The following EHBP1 variants were observed in gnomAD, a reference collection of about 807,000 sequenced individuals.
The protein encoded by EHBP1 is EH domain binding protein 1, also known as EH domain-binding protein 1.
A neutral mutation model predicts 144.0 loss-of-function variants in EHBP1; 55 were observed. The ratio of observed to expected loss-of-function variants is 0.38; its 90% CI spans 0.31 to 0.48. The LOEUF (loss-of-function observed/expected upper bound fraction) is 0.48, where lower values mean the gene tolerates loss of function less well. Among genes scored for constraint, EHBP1 ranks in the 20% least tolerant of loss-of-function variants. EHBP1 has a pLI of 0.98. For synonymous variants in EHBP1, 469 were observed against 472.7 expected, an observed-to-expected ratio of 0.99 and a Z score of 0.10; for missense variants, 1,200 against 1,364.2, an observed-to-expected ratio of 0.88 and a Z score of 1.90.
At chr2:62,965,439 G>A (rs566123621) in intron 14 of EHBP1, among the ~76,000 whole-genome samples, 2 of 152,296 alleles carry the variant, frequency 1.3e-5, no homozygotes, top group Non-Finnish European at 1.5e-5. Context: ...ATGCCTTAAT[G>A]AGAGTGAAAT....
chr2:62,867,625 A>G (rs979368766), intron 9 of EHBP1, among the ~76,000 whole-genome samples: 1 of 152,228 alleles, frequency 6.6e-6, no homozygotes, highest in Non-Finnish European at 1.5e-5. Flanking sequence ...TCAAAGATAT[A>G]AGTTATTTTC....
chr2:62,783,310 A>T (rs548696538), intron 5 of EHBP1, among the ~76,000 whole-genome samples: 1 of 152,082 alleles, frequency 6.6e-6, no homozygotes, highest in Non-Finnish European at 1.5e-5. Flanking sequence ...CAGTGGATCT[A>T]CCATTCTGGA....
chr2:62,948,712 G>A lies in EHBP1; in HGVS notation c.1866G>A (p.Gln622=), dbSNP rs1399923487. 1.9e-6 allele frequency: 3 copies of A among 1,613,938 alleles called. No individual in the cohort carries two copies. Among genetic ancestry groups the A allele is most frequent in the Non-Finnish European group, 2.5e-6 (3 of 1,179,984 alleles). Residue 622 remains glutamine (Q), a synonymous_variant, in exon 13 of 23, where the codon CAG becomes CAA. Coordinates refer to ENST00000431489, the MANE Select transcript of EHBP1 (RefSeq NM_001142616.3). ...GTGACACAGAACCCCAGAAGTCTCA[G>A]CAGAGCTCTGGAAGGACTTCAGGAT... ...TKSDTEPQKS[Q]QSSGRTSGSD... is the part of the protein sequence containing the mutation.
At chr2:62,673,939 A>G in exon 1 of EHBP1, 1 of 440,692 alleles carries the variant, frequency 2.3e-6, no homozygotes. Context: ...TTGGAGGTCC[A>G]AGTCATGGCA....
intron 20 of EHBP1, 87 bp downstream of exon 20, chr2:63,037,721 T>A: frequency 1.3e-6 from 1 of 750,230 alleles, no homozygotes; most frequent in Non-Finnish European, 2.2e-6. Flanking sequence ...ATTTAATATT[T>A]ATTCGGTATT....
intron 14 of EHBP1, among the ~76,000 whole-genome samples, chr2:62,962,060 C>T (rs774467345): frequency 1.3e-5 from 2 of 152,176 alleles, no homozygotes; most frequent in African/African-American, 2.4e-5. Flanking sequence ...TGTGGTGGCC[C>T]ACGCCTGTAA....
At chr2:62,875,855 G>A (rs1237970605) in intron 10 of EHBP1, among the ~76,000 whole-genome samples, 25 of 152,162 alleles carry the variant, frequency 1.6e-4, no homozygotes, top group Non-Finnish European at 1.5e-5. Context: ...AGTATTAACA[G>A]CAGAATAGAC....
intron 12 of EHBP1, among the ~76,000 whole-genome samples, chr2:62,947,631 T>C (rs941495659): frequency 2.0e-5 from 3 of 152,190 alleles, no homozygotes; most frequent in Non-Finnish European, 4.4e-5. Context: ...AAACCTGATG[T>C]GCCACAGTCA....
chr2:62,963,643 T>C (rs912684872), intron 14 of EHBP1, among the ~76,000 whole-genome samples: 10 of 152,212 alleles, frequency 6.6e-5, no homozygotes, highest in Admixed American at 5.2e-4. Context: ...AATTCTACTG[T>C]TAGGAAGAAG....
rs188778683 is a variant in EHBP1, at chr2:63,010,879, C to A, written c.3103+14113C>A. Among the ~76,000 whole-genome samples the A allele has an allele frequency of 4.0e-5, 6 of 151,828 alleles. No individual in the cohort carries two copies. The East Asian group carries it at 1.2e-3, about 29-fold the overall frequency. On this transcript the variant is annotated intron_variant, in intron 19 of 22. Transcript: ENST00000431489. ...TATTTCTTCAAACTACTTAAGTACA[C>A]AACCCCAATTTAGCTTTCTAAGGTA...
intron 7 of EHBP1, among the ~76,000 whole-genome samples, chr2:62,852,872 G>A (rs1264694560): frequency 2.0e-5 from 3 of 152,040 alleles, no homozygotes; most frequent in Non-Finnish European, 4.4e-5. Context: ...GTCAGAGTAC[G>A]ATTTAAAACT....
chr2:62,986,772 G>T (rs1160578465), intron 15 of EHBP1, among the ~76,000 whole-genome samples: 1 of 151,892 alleles, frequency 6.6e-6, no homozygotes, highest in Non-Finnish European at 1.5e-5. Context: ...CTTCCAAATG[G>T]TTTACATAGT....
chr2:62,942,143 C>A (rs1163061332), intron 10 of EHBP1, among the ~76,000 whole-genome samples: 2 of 152,138 alleles, frequency 1.3e-5, no homozygotes, highest in African/African-American at 4.8e-5. Flanking sequence ...CAACACCTGA[C>A]TGTTGCTAAT....
rs1573014201 is a variant in EHBP1, at chr2:62,731,871, T to G, written c.105-15524T>G. Among the ~76,000 whole-genome samples, 3 of 152,310 alleles carry G rather than the reference T, an allele frequency of 2.0e-5. No homozygotes were observed. The East Asian group carries it at 5.8e-4, about 29-fold the overall frequency. On this transcript the variant is annotated intron_variant, in intron 2 of 22. Transcript: ENST00000431489. The stretch of plus-strand genomic sequence containing the variant: ...TATAATTTTCCTTCTTTTGAATAAT[T>G]TTTTACAAAACAGTTGTCATAAGGG...
At chr2:63,026,023 C>T (rs778573369) in intron 19 of EHBP1, among the ~76,000 whole-genome samples, 3 of 151,952 alleles carry the variant, frequency 2.0e-5, no homozygotes, top group African/African-American at 7.3e-5. Flanking sequence ...TTAAAAAGGC[C>T]GAATGATGTT....
At chr2:62,757,538 A>G (rs561466677) in intron 3 of EHBP1, among the ~76,000 whole-genome samples, 1 of 149,538 alleles carries the variant, frequency 6.7e-6, no homozygotes, top group Admixed American at 6.7e-5. Context: ...GGTTCATGCA[A>G]TTCTCCTGCC....
At chr2:63,009,493 A>AC (rs1285100798) in intron 19 of EHBP1, among the ~76,000 whole-genome samples, 2 of 151,594 alleles carry the variant, frequency 1.3e-5, no homozygotes, top group Non-Finnish European at 3.0e-5. Flanking sequence ...GGTGTAAATA[A>AC]CATTCTGGGT....
chr2:62,915,039 A>G (rs1361920215), intron 10 of EHBP1, among the ~76,000 whole-genome samples: 7 of 152,042 alleles, frequency 4.6e-5, no homozygotes. Context: ...TCTCTTGGAA[A>G]TATCTAAAAA....
At chr2:62,741,098 C>A (rs2038666340) in intron 2 of EHBP1, among the ~76,000 whole-genome samples, 1 of 152,128 alleles carries the variant, frequency 6.6e-6, no homozygotes, top group African/African-American at 2.4e-5. Context: ...GGGGCCCAGG[C>A]TACTCTTGTC....
Sources: allele counts gnomAD v4.1 joint callset (sites outside exome capture counted in the v4.1 genomes callset), GRCh38; gene constraint gnomAD v4.1.1; transcripts MANE v1.5; gene names NCBI Gene and HGNC (gene_info 2026-07-23, HGNC 2026-07-21).